Variants in LPGAT1 observed in about 807,000 individuals in gnomAD.
LPGAT1 encodes lysophosphatidylglycerol acyltransferase 1.
In LPGAT1, 11 loss-of-function variants were observed where a neutral mutation model predicts 47.5. The ratio of observed to expected loss-of-function variants is 0.23; its 90% CI spans 0.15 to 0.38. The LOEUF (loss-of-function observed/expected upper bound fraction) is 0.38. LPGAT1 is among the 10% of genes least tolerant of loss of function. The pLI, the probability that LPGAT1 is intolerant of heterozygous loss-of-function variation, is 1.00. For synonymous variants in LPGAT1, 138 were observed against 144.2 expected (o/e 0.96, Z 0.31); for missense variants, 293 against 439.0 (o/e 0.67, Z 2.97).
chr1:211,755,703 A>G (rs1479554811), intron 6 of LPGAT1, among the ~76,000 whole-genome samples: 1 of 152,130 alleles, frequency 6.6e-6, no homozygotes, highest in African/African-American at 2.4e-5. Flanking sequence ...AAAAAGAAAA[A>G]AAAAAAAAGA....
intron 2 of LPGAT1, among the ~76,000 whole-genome samples, chr1:211,818,228 T>C (rs923554258): frequency 2.6e-5 from 4 of 152,124 alleles, no homozygotes; most frequent in African/African-American, 9.7e-5. Flanking sequence ...GACTAGTAAT[T>C]ATAATTTAAA....
At chr1:211,772,765 G>A (rs1658228934) in intron 6 of LPGAT1, among the ~76,000 whole-genome samples, 1 of 152,114 alleles carries the variant, frequency 6.6e-6, no homozygotes, top group Admixed American at 6.6e-5. Flanking sequence ...TCATTTACAA[G>A]TCTGAAATTT....
intron 2 of LPGAT1, among the ~76,000 whole-genome samples, chr1:211,809,098 G>A (rs922016773): frequency 4.0e-5 from 6 of 151,690 alleles, no homozygotes; most frequent in Non-Finnish European, 7.4e-5. Flanking sequence ...CCAACTACTC[G>A]GAAGGCTGAG....
Position 211,755,771 on chromosome 1 carries a change from C to G in LPGAT1, c.855-4704G>C, listed in dbSNP as rs191490514. Among the ~76,000 whole-genome samples, 373 of 151,474 alleles carry G rather than the reference C, an allele frequency of 2.5e-3. 3 individuals are homozygous for G. The highest frequency in any genetic ancestry group is 8.4e-3 in the African/African-American group (346 of 41,370). ...AAAAATTTGAAAGGATGAAAGATAA[C>G]CAAAATAGAGTCTTATTTACACAGA... On this transcript the variant is annotated intron_variant, in intron 6 of 7. Transcript: ENST00000366997.
At chr1:211,785,166 C>T (rs1310064989) in intron 4 of LPGAT1, among the ~76,000 whole-genome samples, 1 of 152,142 alleles carries the variant, frequency 6.6e-6, no homozygotes, top group African/African-American at 2.4e-5. Context: ...ACAGAAACTC[C>T]TCAAAATAAT....
intron 6 of LPGAT1, among the ~76,000 whole-genome samples, chr1:211,775,988 G>C (rs966773898): frequency 1.4e-5 from 2 of 146,602 alleles, no homozygotes; most frequent in African/African-American, 5.0e-5. Context: ...AATTTGTTTT[G>C]ATTTGATCCA....
At chr1:211,800,882 AC>A (rs1659547715) in intron 2 of LPGAT1, among the ~76,000 whole-genome samples, 2 of 152,188 alleles carry the variant, frequency 1.3e-5, no homozygotes, top group South Asian at 4.1e-4. Flanking sequence ...CCTTCCCTTC[AC>A]CCACTAAGCT....
At chr1:211,789,726 CG>C (rs1558269754) in intron 3 of LPGAT1, among the ~76,000 whole-genome samples, 1 of 151,942 alleles carries the variant, frequency 6.6e-6, no homozygotes, top group Admixed American at 6.6e-5. Context: ...AAAAATTAGC[CG>C]GGTGTGGTGG....
At chr1:211,753,026 G>A (rs889963104) in intron 6 of LPGAT1, among the ~76,000 whole-genome samples, 7 of 152,164 alleles carry the variant, frequency 4.6e-5, no homozygotes, top group Non-Finnish European at 7.4e-5. Context: ...CAGTGGGCAG[G>A]CAGACCTGTG....
chr1:211,780,406 G>A (rs1422497831), intron 5 of LPGAT1, among the ~76,000 whole-genome samples: 1 of 152,038 alleles, frequency 6.6e-6, no homozygotes, highest in Admixed American at 6.6e-5. Context: ...AACTGAGAGG[G>A]GAAACATCAC....
chr1:211,830,222 G>T lies in LPGAT1; in HGVS notation c.-28+351C>A. On this transcript the variant is annotated intron_variant, in intron 1 of 7. Transcript: ENST00000366997. The surrounding 1 kb of genome is among the most constrained non-coding windows in gnomAD (Gnocchi z 5.9). ...ACGGCGGGCGGCTGCGGAGAGCGGGGGCGGGTGTCCCCCGCCGAGGGGTCG... is the reference window on the plus strand; with the variant it reads ...ACGGCGGGCGGCTGCGGAGAGCGGGTGCGGGTGTCCCCCGCCGAGGGGTCG... 1.0e-6 allele frequency: 1 copy of T among 983,864 alleles called. No homozygotes were observed. The highest frequency in any genetic ancestry group is 1.2e-6 in the Non-Finnish European group (1 of 829,574). 60.9% of individuals were successfully genotyped at this position (983,864 alleles called of 1,614,324 possible). A position where few individuals can be genotyped will look rare whatever the true frequency, so the allele number is the denominator to read the frequency against.
At position 211,749,740 on chromosome 1, in the gene LPGAT1, A is replaced by G. The variant is rs548603403; in HGVS notation, c.*159T>C. The G allele has an allele frequency of 1.4e-5, 10 of 719,874 alleles. No individual in the cohort carries two copies. The South Asian group carries it at 1.8e-4, about 13-fold the overall frequency. 44.6% of individuals were successfully genotyped at this position (719,874 alleles called of 1,614,324 possible). ...TTATATTACTAATCCTCATTTTAGT[A>G]GATTTTAAAATATCCCAAAGGGGGA... On this transcript the variant is annotated 3_prime_UTR_variant, in exon 8 of 8. Transcript: ENST00000366997.
In LPGAT1 at chr1:211,744,344, T is replaced by A. The variant is rs182075166; in HGVS notation, c.*5555A>T. 6.6e-6 allele frequency: 1 copy of A among 152,376 alleles called. No homozygotes were observed. Among genetic ancestry groups the A allele is most frequent in the East Asian group, 1.9e-4 (1 of 5,196 alleles). The allele number at this position is 152,376 out of a possible 1,614,324, so 9.4% of individuals were successfully genotyped here. A position where few individuals can be genotyped will look rare whatever the true frequency, so the allele number is the denominator to read the frequency against. Reference sequence around the variant, plus strand: ...TTATGAAAATTGAATCATATAAATTTACAATTAATGTTAAAGCTAAAAGTG... The same window carrying A: ...TTATGAAAATTGAATCATATAAATTAACAATTAATGTTAAAGCTAAAAGTG... On this transcript the variant is annotated 3_prime_UTR_variant, in exon 8 of 8. Coordinates refer to ENST00000366997, the MANE Select transcript of LPGAT1 (RefSeq NM_014873.3).
intron 5 of LPGAT1, among the ~76,000 whole-genome samples, chr1:211,781,781 C>T (rs142831975): frequency 2.0e-5 from 3 of 152,272 alleles, no homozygotes; most frequent in Non-Finnish European, 4.4e-5. Context: ...AACTTATAAT[C>T]AGACTTTCAC....
intron 6 of LPGAT1, among the ~76,000 whole-genome samples, chr1:211,776,719 G>A (rs567776327): frequency 1.3e-5 from 2 of 149,432 alleles, no homozygotes; most frequent in South Asian, 4.2e-4. Context: ...TAATGTTCTA[G>A]AGTTCTGGAG....
intron 6 of LPGAT1, among the ~76,000 whole-genome samples, chr1:211,773,970 AT>A (rs1192488554): frequency 3.0e-4 from 46 of 152,218 alleles, no homozygotes; most frequent in Non-Finnish European, 1.9e-4. Context: ...TAAGAAATGA[AT>A]TTTTTAAAAA....
chr1:211,772,706 T>G (rs988820233), intron 6 of LPGAT1, among the ~76,000 whole-genome samples: 31 of 152,210 alleles, frequency 2.0e-4, no homozygotes, highest in Non-Finnish European at 3.5e-4. Flanking sequence ...GAAATAACAT[T>G]GACCATAATT....
chr1:211,804,484 A>G (rs1311659136), intron 2 of LPGAT1, among the ~76,000 whole-genome samples: 1 of 152,184 alleles, frequency 6.6e-6, no homozygotes, highest in Admixed American at 6.5e-5. Context: ...CCCAAATCTC[A>G]CTATCCAGGG....
intron 6 of LPGAT1, among the ~76,000 whole-genome samples, chr1:211,753,584 A>G (rs1657303278): frequency 2.0e-5 from 3 of 152,118 alleles, no homozygotes; most frequent in Admixed American, 1.3e-4. Context: ...TATTGCTACA[A>G]TATCTTATGT....
Sources: allele counts gnomAD v4.1 joint callset (sites outside exome capture counted in the v4.1 genomes callset), GRCh38; gene constraint gnomAD v4.1.1; non-coding constraint Gnocchi (gnomAD v3.1); transcripts MANE v1.5; gene names NCBI Gene and HGNC (gene_info 2026-07-23, HGNC 2026-07-21).